FIGN: variants seen among roughly 807,000 people sequenced by gnomAD.
FIGN encodes the protein fidgetin, microtubule severing factor.
A neutral mutation model predicts 51.3 loss-of-function variants in FIGN; 11 were observed. The ratio of observed to expected loss-of-function variants is 0.21; its 90% CI spans 0.13 to 0.35. The LOEUF (loss-of-function observed/expected upper bound fraction) is 0.35, where lower values mean the gene tolerates loss of function less well. Ranked by LOEUF, FIGN falls within the 10% of genes least tolerant of loss-of-function variation. The pLI is 1.00. For synonymous variants in FIGN, 407 were observed against 363.2 expected (o/e 1.12, Z -1.37); for missense variants, 857 against 943.6 (o/e 0.91, Z 1.20).
chr2:163,633,345 C>T (rs1683176269), intron 2 of FIGN, among the ~76,000 whole-genome samples: 2 of 152,114 alleles, frequency 1.3e-5, no homozygotes, highest in South Asian at 2.1e-4. Flanking sequence ...AAGTGCTTTA[C>T]ATATTTATAA....
intron 1 of FIGN, among the ~76,000 whole-genome samples, chr2:163,735,459 G>C (rs1488313142): frequency 6.6e-6 from 1 of 152,124 alleles, no homozygotes; most frequent in Non-Finnish European, 1.5e-5. Flanking sequence ...TTACTTAGAA[G>C]TTAGTTCCCG....
At chr2:163,723,061 GA>G (rs1182884739) in intron 2 of FIGN, among the ~76,000 whole-genome samples, 1 of 151,844 alleles carries the variant, frequency 6.6e-6, no homozygotes, top group African/African-American at 2.4e-5. Flanking sequence ...GGTGGTGGCA[GA>G]CGCCTGTAGT....
chr2:163,710,526 T>C (rs1573965617), intron 2 of FIGN, among the ~76,000 whole-genome samples: 1 of 152,234 alleles, frequency 6.6e-6, no homozygotes, highest in East Asian at 1.9e-4. Context: ...AAATGGCAGG[T>C]GGAAATGTGT....
chr2:163,619,605 A>T (rs1682935116), intron 2 of FIGN, among the ~76,000 whole-genome samples: 1 of 152,146 alleles, frequency 6.6e-6, no homozygotes, highest in Non-Finnish European at 1.5e-5. Context: ...CATGGGTCTG[A>T]TTGGTCATTA....
At chr2:163,698,264 T>C (rs930536185) in intron 2 of FIGN, among the ~76,000 whole-genome samples, 1 of 152,176 alleles carries the variant, frequency 6.6e-6, no homozygotes, top group African/African-American at 2.4e-5. Context: ...CAGCCCATCC[T>C]GAACACTTTC....
Position 163,630,418 on chromosome 2 carries a change from G to GTTCA in FIGN, c.26-18616_26-18613dup, listed in dbSNP as rs564888468. 1.6e-3 allele frequency among the ~76,000 whole-genome samples: 242 copies of GTTCA among 152,218 alleles called. 2 individuals are homozygous for GTTCA. The highest frequency in any genetic ancestry group is 3.1e-3 in the South Asian group (15 of 4,822). ...CCTATGAGCCAGTCAGTAGACCTATGTTCATGTCCTATTCCATATGTATTG... is the reference window on the plus strand; with the variant it reads ...CCTATGAGCCAGTCAGTAGACCTATGTTCATTCATGTCCTATTCCATATGTATTG... On this transcript the variant is annotated intron_variant, in intron 2 of 2. Coordinates refer to ENST00000333129, the MANE Select transcript of FIGN (RefSeq NM_018086.4).
At chr2:163,695,054 C>A (rs1281874588) in intron 2 of FIGN, among the ~76,000 whole-genome samples, 2 of 142,612 alleles carry the variant, frequency 1.4e-5, no homozygotes, top group African/African-American at 5.2e-5. Context: ...ATATCCCTTG[C>A]TGTTTTGAGC....
chr2:163,657,528 G>A (rs1334596149), intron 2 of FIGN, among the ~76,000 whole-genome samples: 1 of 151,192 alleles, frequency 6.6e-6, no homozygotes, highest in Non-Finnish European at 1.5e-5. Flanking sequence ...GTGTGTGTGT[G>A]TGTGCATGCA....
At chr2:163,697,480 A>G (rs999106624) in intron 2 of FIGN, among the ~76,000 whole-genome samples, 1 of 152,088 alleles carries the variant, frequency 6.6e-6, no homozygotes, top group African/African-American at 2.4e-5. Flanking sequence ...GCAAGTCAGG[A>G]TGTGAAATGT....
intron 2 of FIGN, chr2:163,617,168 A>G: frequency 1.0e-6 from 1 of 985,298 alleles, no homozygotes; most frequent in African/African-American, 1.7e-5. Context: ...TTGGCTTTAA[A>G]ATATGGCATA....
chr2:163,652,305 C>A, intron 2 of FIGN, among the ~76,000 whole-genome samples: 1 of 148,508 alleles, frequency 6.7e-6, no homozygotes, highest in Non-Finnish European at 1.5e-5. Flanking sequence ...AAGAGAATTC[C>A]ATAAGAGAGG....
In FIGN at chr2:163,610,533, C is replaced by T. The variant is rs746810553; in HGVS notation, c.1299G>A (p.Glu433=). 3 of 1,614,060 alleles carry T rather than the reference C, an allele frequency of 1.9e-6. No homozygotes were observed. Among genetic ancestry groups the T allele is most frequent in the Admixed American group, 1.7e-5 (1 of 60,006 alleles). Residue 433 remains glutamate (E), a synonymous_variant, in exon 3 of 3, where the codon GAG becomes GAA. Transcript: ENST00000333129. ...TTGGGTGAGAGAGGAGCTGCCTGTG[C>T]TCGTCCCCATGCTCACTCATTACTG... ...TSPVMSEHGD[E]HRQLLSHPMQ...
intron 2 of FIGN, among the ~76,000 whole-genome samples, chr2:163,701,619 G>T (rs1272149382): frequency 1.3e-5 from 2 of 152,164 alleles, no homozygotes; most frequent in Non-Finnish European, 2.9e-5. Flanking sequence ...ATGAGGGGAG[G>T]CCCCTTTGGG....
rs934323216 is a variant in FIGN at position 163,735,081 on chromosome 2, A to G, written c.-145-9T>C. The G allele has an allele frequency of 6.9e-6, 4 of 581,916 alleles. No homozygotes were observed. The highest frequency in any genetic ancestry group is 8.8e-6 in the Non-Finnish European group (3 of 341,468). 36.0% of individuals were successfully genotyped at this position (581,916 alleles called of 1,614,324 possible). On this transcript the variant is annotated splice_polypyrimidine_tract_variant and intron_variant, in intron 1 of 2. Transcript: ENST00000333129. Reference sequence around the variant, plus strand: ...TCAGGTATTCATTTAACCTACATGCATATAATTAAGGGGGAAAGCAACATC... The same window carrying G: ...TCAGGTATTCATTTAACCTACATGCGTATAATTAAGGGGGAAAGCAACATC...
At chr2:163,719,635 T>C (rs1684723335) in intron 2 of FIGN, among the ~76,000 whole-genome samples, 1 of 152,216 alleles carries the variant, frequency 6.6e-6, no homozygotes. Context: ...CAATCATTAT[T>C]TTCCATTTGT....
intron 2 of FIGN, among the ~76,000 whole-genome samples, chr2:163,641,666 G>A (rs1039684071): frequency 6.6e-6 from 1 of 152,238 alleles, no homozygotes; most frequent in South Asian, 2.1e-4. Flanking sequence ...GAAATCCGAT[G>A]CGGAAGAAGA....
chr2:163,666,883 G>A (rs577936778), intron 2 of FIGN, among the ~76,000 whole-genome samples: 6 of 143,470 alleles, frequency 4.2e-5, no homozygotes, highest in African/African-American at 8.3e-5. Context: ...GACTTGAGAA[G>A]TCTAAAACCA....
chr2:163,646,488 T>A (rs1683384284), intron 2 of FIGN, among the ~76,000 whole-genome samples: 1 of 152,204 alleles, frequency 6.6e-6, no homozygotes, highest in Non-Finnish European at 1.5e-5. Flanking sequence ...ACTTCTTGTA[T>A]GTCCAAAATT....
chr2:163,651,093 C>T (rs545417698), intron 2 of FIGN, among the ~76,000 whole-genome samples: 5 of 152,182 alleles, frequency 3.3e-5, no homozygotes, highest in Non-Finnish European at 5.9e-5. Flanking sequence ...ATACTAAAGA[C>T]TTAAAATTGT....
Sources: gnomAD v4.1 joint callset for allele counts (sites outside exome capture counted in the v4.1 genomes callset) on GRCh38, gnomAD v4.1.1 for gene constraint, MANE v1.5 for transcripts, NCBI Gene and HGNC (gene_info 2026-07-23, HGNC 2026-07-21) for gene names.